Variants in ELMOD2 observed in about 807,000 individuals in gnomAD.
The protein encoded by ELMOD2 is ELMO domain containing 2.
ELMOD2 carries 28 observed loss-of-function variants against 41.0 expected under a neutral mutation model. The observed-to-expected ratio is 0.68, with a 90% CI of 0.51 to 0.94. ELMOD2 has a LOEUF of 0.94. Ranked by LOEUF, ELMOD2 falls within the 40% of genes least tolerant of loss-of-function variation. The pLI is 0.00. For missense variants in ELMOD2, 333 were observed against 343.1 expected, an observed-to-expected ratio of 0.97 and a Z score of 0.23; for synonymous variants, 106 against 107.2, an observed-to-expected ratio of 0.99 and a Z score of 0.07.
intron 5 of ELMOD2, among the ~76,000 whole-genome samples, chr4:140,538,554 G>A (rs75126358): frequency 0.014 from 2,056 of 152,180 alleles, 15 homozygotes; most frequent in South Asian, 0.035. Context: ...CACTTACTGA[G>A]GATTAACTGC....
chr4:140,525,425 A>G lies in ELMOD2; in HGVS notation c.-4A>G. The G allele has an allele frequency of 1.2e-6, 2 of 1,612,004 alleles. No homozygotes were observed. The highest frequency in any genetic ancestry group is 1.1e-5 in the South Asian group (1 of 90,544). On this transcript the variant is annotated 5_prime_UTR_variant, in exon 2 of 9. Coordinates refer to ENST00000323570, the MANE Select transcript of ELMOD2 (RefSeq NM_153702.4). ...TGTATGTTTCCCTCCTCCAGGAAAA[A>G]AAAATGTTTATTTCTTTGTGGGAGT...
In ELMOD2 at chr4:140,535,827, C is replaced by G; in HGVS notation, c.266C>G (p.Ala89Gly). The G allele has an allele frequency of 6.3e-7, 1 of 1,598,096 alleles. No homozygotes were observed. Among genetic ancestry groups the G allele is most frequent in the South Asian group, 1.1e-5 (1 of 87,460 alleles). The change falls in exon 4 of 9, where the codon GCC becomes GGC. Residue 89 changes from alanine to glycine, a missense_variant. Coordinates refer to ENST00000323570, the MANE Select transcript of ELMOD2 (RefSeq NM_153702.4). ...AAGAATATTAACCCTGAGAAGGATGCCAGGTGTGCGTTTTTTACATTATTC... is the reference window on the plus strand; with the variant it reads ...AAGAATATTAACCCTGAGAAGGATGGCAGGTGTGCGTTTTTTACATTATTC... ...KEKNINPEKD[A>G]SFKICMKMCL...
chr4:140,550,242 A>G lies in ELMOD2; in HGVS notation c.749A>G (p.Tyr250Cys). The G allele has an allele frequency of 1.2e-6, 2 of 1,609,420 alleles. No homozygotes were observed. The highest frequency in any genetic ancestry group is 1.7e-6 in the Non-Finnish European group (2 of 1,177,662). ...TCTTTAACTGCAGGTTATCTTGTCT[A>G]TGAATTTGACAAGTTTTGGTTTGAA... ...HFHQFYCYLV[Y>C]EFDKFWFEEE... Residue 250 changes from tyrosine to cysteine, a missense_variant, in exon 9 of 9, where the codon TAT (tyrosine) becomes TGT (cysteine). Coordinates refer to ENST00000323570, the MANE Select transcript of ELMOD2 (RefSeq NM_153702.4).
chr4:140,537,351 T>C (rs1734963039), intron 4 of ELMOD2, 61 bp from the exon 5 acceptor site: 1 of 1,361,754 alleles, frequency 7.3e-7, no homozygotes. Flanking sequence ...AACCACAAGC[T>C]ATGAAAGACT....
chr4:140,547,151 G>C (rs192030015), intron 8 of ELMOD2, among the ~76,000 whole-genome samples: 1 of 152,226 alleles, frequency 6.6e-6, no homozygotes, highest in East Asian at 1.9e-4. Flanking sequence ...TAGAGGAGTA[G>C]GATAAATTAG....
chr4:140,543,504 A>T lies in ELMOD2; in HGVS notation c.654A>T (p.Leu218Phe). The change falls in exon 8 of 9, where the codon TTA becomes TTT. Residue 218 changes from leucine to phenylalanine, a missense_variant. Coordinates refer to ENST00000323570, the MANE Select transcript of ELMOD2 (RefSeq NM_153702.4). ...GINLTEMAYSLLKSEALKFHL... is the reference protein window; with the variant it reads ...GINLTEMAYSFLKSEALKFHL... Reference sequence around the variant, plus strand: ...ATCTTACAGAGATGGCTTATAGCTTACTGAAGAGTGAAGCTTTGAAGTTTC... The same window carrying T: ...ATCTTACAGAGATGGCTTATAGCTTTCTGAAGAGTGAAGCTTTGAAGTTTC... 1 of 1,605,792 alleles carries T rather than the reference A, an allele frequency of 6.2e-7. No homozygotes were observed. Among genetic ancestry groups the T allele is most frequent in the Middle Eastern group, 1.7e-4 (1 of 6,024 alleles).
chr4:140,534,949 C>T (rs1734865116), intron 3 of ELMOD2, among the ~76,000 whole-genome samples: 1 of 152,044 alleles, frequency 6.6e-6, no homozygotes, highest in African/African-American at 2.4e-5. Flanking sequence ...CCATGACTAC[C>T]CATGGCGAAG....
intron 4 of ELMOD2, 122 bp downstream of exon 4, chr4:140,535,952 C>A: frequency 1.2e-6 from 1 of 841,932 alleles, no homozygotes; most frequent in Non-Finnish European, 1.8e-6. Context: ...ATTCAGCGCT[C>A]TCACTTCACA....
intron 3 of ELMOD2, among the ~76,000 whole-genome samples, chr4:140,531,347 G>T (rs1010435936): frequency 9.2e-5 from 14 of 152,124 alleles, no homozygotes; most frequent in Non-Finnish European, 1.6e-4. Flanking sequence ...GATATTAAGG[G>T]TTAACAAACT....
At chr4:140,541,398 A>G (rs1056617348) in intron 6 of ELMOD2, among the ~76,000 whole-genome samples, 1 of 152,158 alleles carries the variant, frequency 6.6e-6, no homozygotes, top group East Asian at 1.9e-4. Context: ...AACTAAATTC[A>G]GGAAGGAAAT....
Position 140,545,687 on chromosome 4 carries a change from T to G in ELMOD2, c.736+2101T>G, listed in dbSNP as rs192859068. 3.9e-5 allele frequency among the ~76,000 whole-genome samples: 6 copies of G among 152,230 alleles called. No individual in the cohort carries two copies. In the East Asian group the frequency reaches 9.6e-4, roughly 24 times the overall value. ...TGCTTTCCTTTACCATTCCAAAGTG[T>G]TGTTGCTGGGACTTTGCTAACTTGC... On this transcript the variant is annotated intron_variant, in intron 8 of 8. Coordinates refer to ENST00000323570, the MANE Select transcript of ELMOD2 (RefSeq NM_153702.4).
chr4:140,542,457 A>C (rs377094743), intron 6 of ELMOD2, 117 bp from the exon 7 acceptor site: 2 of 678,718 alleles, frequency 2.9e-6, no homozygotes, highest in East Asian at 2.8e-5. Context: ...GACAGATATC[A>C]GGATACTCAT....
chr4:140,532,628 C>A (rs1734787744), intron 3 of ELMOD2, among the ~76,000 whole-genome samples: 1 of 152,206 alleles, frequency 6.6e-6, no homozygotes, highest in African/African-American at 2.4e-5. Flanking sequence ...GGAACTTTCT[C>A]AACCTATGAA....
chr4:140,550,439 A>T lies in ELMOD2; in HGVS notation c.*64A>T. ...CATTCAACAGAATTTATATGTTGTA[A>T]TAGGAATTATCTGATCAATTACACT... On this transcript the variant is annotated 3_prime_UTR_variant, in exon 9 of 9. Transcript: ENST00000323570. 1 of 1,450,134 alleles carries T rather than the reference A, an allele frequency of 6.9e-7. No individual in the cohort carries two copies. Among genetic ancestry groups the T allele is most frequent in the Non-Finnish European group, 9.3e-7 (1 of 1,073,724 alleles). The allele number at this position is 1,450,134 out of a possible 1,614,324, so 89.8% of individuals were successfully genotyped here. A position where few individuals can be genotyped will look rare whatever the true frequency, so the allele number is the denominator to read the frequency against.
chr4:140,538,950 G>A lies in ELMOD2; in HGVS notation c.400-1218G>A, dbSNP rs368385271. Among the ~76,000 whole-genome samples, 37 of 152,252 alleles carry A rather than the reference G, an allele frequency of 2.4e-4. No individual in the cohort carries two copies. The South Asian group carries it at 6.6e-3, about 27-fold the overall frequency. Reference sequence around the variant, plus strand: ...CTGTGGCTCTCACCACATCACTGAGGCCTTATCATTGGCATAATCAAACTC... The same window carrying A: ...CTGTGGCTCTCACCACATCACTGAGACCTTATCATTGGCATAATCAAACTC... On this transcript the variant is annotated intron_variant, in intron 5 of 8. Coordinates refer to ENST00000323570, the MANE Select transcript of ELMOD2 (RefSeq NM_153702.4).
Position 140,551,603 on chromosome 4 carries a change from G to A in ELMOD2, c.*1228G>A, listed in dbSNP as rs1578781227. The A allele has an allele frequency of 1.3e-5, 2 of 152,194 alleles. No homozygotes were observed. The highest frequency in any genetic ancestry group is 4.8e-5 in the African/African-American group (2 of 41,574). 9.4% of individuals were successfully genotyped at this position (152,194 alleles called of 1,614,324 possible). A position where few individuals can be genotyped will look rare whatever the true frequency, so the allele number is the denominator to read the frequency against. ...ACTGATAGCAAAACTAAAGTTTAAAGCAGCAAAGTTTAAGTTCTCCTTAAA... is the reference window on the plus strand; with the variant it reads ...ACTGATAGCAAAACTAAAGTTTAAAACAGCAAAGTTTAAGTTCTCCTTAAA... On this transcript the variant is annotated 3_prime_UTR_variant, in exon 9 of 9. Transcript: ENST00000323570.
Position 140,543,466 on chromosome 4 carries a change from A to G in ELMOD2, c.616A>G (p.Ile206Val). The change falls in exon 8 of 9, where the codon ATA becomes GTA. Residue 206 changes from isoleucine to valine, a missense_variant. By Grantham distance (29) the Ile-to-Val change is conservative. Coordinates refer to ENST00000323570, the MANE Select transcript of ELMOD2 (RefSeq NM_153702.4). ...TTTCTGACATAGGTATTCTTATGCA[A>G]TAGTTGGAATCAATCTTACAGAGAT... is the stretch of plus-strand genomic sequence containing the variant. The part of the protein sequence containing the change: ...NHPKLGYSYA[I>V]VGINLTEMAY... 6 of 1,596,608 alleles carry G rather than the reference A, an allele frequency of 3.8e-6. No homozygotes were observed. The highest frequency in any genetic ancestry group is 5.1e-6 in the Non-Finnish European group (6 of 1,175,644).
chr4:140,529,232 TA>T (rs1734664029), intron 3 of ELMOD2, among the ~76,000 whole-genome samples: 1 of 152,202 alleles, frequency 6.6e-6, no homozygotes, highest in African/African-American at 2.4e-5. Flanking sequence ...AGCATATTAG[TA>T]TGCTGTCTGG....
intron 1 of ELMOD2, chr4:140,524,490 C>A: frequency 3.1e-6 from 2 of 635,574 alleles, no homozygotes; most frequent in Non-Finnish European, 3.9e-6. Context: ...TCAGGCGCCG[C>A]TACGCGTGCA....
Sources: gnomAD v4.1 joint callset for allele counts (sites outside exome capture counted in the v4.1 genomes callset) on GRCh38, gnomAD v4.1.1 for gene constraint, MANE v1.5 for transcripts, NCBI Gene and HGNC (gene_info 2026-07-23, HGNC 2026-07-21) for gene names.